TRPC4: variants seen among roughly 807,000 people sequenced by gnomAD.
TRPC4 encodes short transient receptor potential channel 4.
Under a neutral mutation model 99.4 loss-of-function variants are expected in TRPC4, and 49 were observed. The observed-to-expected ratio is 0.49, with a 90% CI of 0.39 to 0.63. The LOEUF is 0.63. Among genes scored for constraint, TRPC4 ranks in the 20% least tolerant of loss-of-function variants. The probability of loss-of-function intolerance (pLI) is 0.00; values close to 1 mark genes in which losing one functional copy is unlikely to be tolerated. For synonymous variants in TRPC4, 454 were observed against 425.9 expected (o/e 1.07, Z -0.81); for missense variants, 898 against 1,152.9 (o/e 0.78, Z 3.20).
intron 3 of TRPC4, among the ~76,000 whole-genome samples, chr13:37,696,428 A>G (rs1428642936): frequency 6.6e-6 from 1 of 152,216 alleles, no homozygotes; most frequent in Non-Finnish European, 1.5e-5. Context: ...AATCAAAAAT[A>G]ACTTTGAATC....
At chr13:37,661,818 G>A (rs987630377) in intron 6 of TRPC4, among the ~76,000 whole-genome samples, 12 of 152,066 alleles carry the variant, frequency 7.9e-5, no homozygotes, top group African/African-American at 2.7e-4. Context: ...CAGAGGGTAG[G>A]GGGTGGGCGG....
chr13:37,665,186 A>T (rs565855419), intron 5 of TRPC4, among the ~76,000 whole-genome samples: 1 of 152,298 alleles, frequency 6.6e-6, no homozygotes, highest in South Asian at 2.1e-4. Flanking sequence ...AAAGACCAAG[A>T]TCACATTGTC....
chr13:37,731,862 T>C (rs1056819097), intron 3 of TRPC4, among the ~76,000 whole-genome samples: 4 of 152,106 alleles, frequency 2.6e-5, no homozygotes, highest in Admixed American at 2.0e-4. Context: ...ATTTCTTTTT[T>C]CTTTCCCCAT....
chr13:37,813,558 T>A (rs1248540108), intron 1 of TRPC4, among the ~76,000 whole-genome samples: 3 of 151,752 alleles, frequency 2.0e-5, no homozygotes, highest in Non-Finnish European at 2.9e-5. Context: ...GGAACACTAC[T>A]ACTGATGTTA....
At position 37,704,566 on chromosome 13, in the gene TRPC4, G is replaced by A. The variant is rs552985021; in HGVS notation, c.898-12231C>T. Among the ~76,000 whole-genome samples, 906 of 152,130 alleles carry A rather than the reference G, an allele frequency of 6.0e-3. 11 individuals are homozygous for A. Among genetic ancestry groups the A allele is most frequent in the African/African-American group, 0.021 (876 of 41,504 alleles). On this transcript the variant is annotated intron_variant, in intron 3 of 10. Transcript: ENST00000379705. ...GCCAGAAATTGCTTGAACCCAGGAG[G>A]CAGAGGTTGCAGTGAGGTGAGATCG...
chr13:37,783,009 C>T lies in TRPC4; in HGVS notation c.325G>A (p.Val109Ile), dbSNP rs749513740. 23 of 1,606,502 alleles carry T rather than the reference C, an allele frequency of 1.4e-5. No individual in the cohort carries two copies. The highest frequency in any genetic ancestry group is 2.2e-5 in the East Asian group (1 of 44,764). ...ALLHAIRKEV[V>I]GAVELLLNHK... ...TTCAATAACAGCTCAACAGCTCCGA[C>T]GACTTCTTTTCTGATAGCATGTAAT... The change falls in exon 2 of 11, where the codon GTC (valine) becomes ATC (isoleucine). Residue 109 changes from valine to isoleucine, a missense_variant. Transcript: ENST00000379705.
Position 37,656,309 on chromosome 13 carries a change from C to T in TRPC4, c.1689-1026G>A, listed in dbSNP as rs551409292. ...TTAAAATGAGACTATATTTAAATTA[C>T]AAAAATAAAATGAAAACCTTCTCAT... On this transcript the variant is annotated intron_variant, in intron 6 of 10. Transcript: ENST00000379705. 1.6e-4 allele frequency among the ~76,000 whole-genome samples: 24 copies of T among 152,158 alleles called. No individual in the cohort carries two copies. The South Asian group carries it at 4.6e-3, about 29-fold the overall frequency.
chr13:37,758,940 A>C (rs1956159668), intron 2 of TRPC4, among the ~76,000 whole-genome samples: 1 of 151,682 alleles, frequency 6.6e-6, no homozygotes, highest in African/African-American at 2.4e-5. Context: ...ATATGCATTT[A>C]GTACCATTTC....
chr13:37,777,108 G>T (rs1374936082), intron 2 of TRPC4, among the ~76,000 whole-genome samples: 1 of 151,912 alleles, frequency 6.6e-6, no homozygotes, highest in Non-Finnish European at 1.5e-5. Flanking sequence ...ATGCACTGAG[G>T]TGGAAAGAAA....
intron 2 of TRPC4, among the ~76,000 whole-genome samples, chr13:37,746,871 T>A (rs978698170): frequency 1.3e-5 from 2 of 152,162 alleles, no homozygotes; most frequent in South Asian, 2.1e-4. Flanking sequence ...AAACCCAAGC[T>A]CTTTCTCTGC....
intron 2 of TRPC4, among the ~76,000 whole-genome samples, chr13:37,761,122 G>T (rs1364077090): frequency 6.6e-6 from 1 of 151,938 alleles, no homozygotes; most frequent in African/African-American, 2.4e-5. Context: ...ATTAATTGAT[G>T]TTGTAAGTGC....
intron 2 of TRPC4, among the ~76,000 whole-genome samples, chr13:37,750,546 A>C (rs1020924123): frequency 6.6e-6 from 1 of 152,168 alleles, no homozygotes; most frequent in Non-Finnish European, 1.5e-5. Context: ...TCCTAAAAGT[A>C]TGGCAAATTA....
At chr13:37,648,101 C>T (rs1030394593) in intron 8 of TRPC4, among the ~76,000 whole-genome samples, 10 of 152,026 alleles carry the variant, frequency 6.6e-5, no homozygotes, top group Admixed American at 3.9e-4. Context: ...TGCCACCACG[C>T]GCAGCTAATT....
intron 3 of TRPC4, among the ~76,000 whole-genome samples, chr13:37,723,545 A>C (rs1216295757): frequency 3.3e-5 from 5 of 151,994 alleles, no homozygotes; most frequent in Non-Finnish European, 7.4e-5. Context: ...TGGAGATGCA[A>C]ATTATTGTTT....
At chr13:37,750,471 G>A (rs73458367) in intron 2 of TRPC4, among the ~76,000 whole-genome samples, 9 of 152,016 alleles carry the variant, frequency 5.9e-5, no homozygotes, top group Non-Finnish European at 1.2e-4. Context: ...TCAAAAATGA[G>A]TGTTGAATTT....
intron 1 of TRPC4, among the ~76,000 whole-genome samples, chr13:37,814,833 C>T (rs931766094): frequency 1.3e-5 from 2 of 151,674 alleles, no homozygotes; most frequent in Non-Finnish European, 3.0e-5. Flanking sequence ...CAAGCTGATT[C>T]TCAAATGTAT....
At chr13:37,763,945 G>A (rs759789571) in intron 2 of TRPC4, among the ~76,000 whole-genome samples, 5 of 151,698 alleles carry the variant, frequency 3.3e-5, no homozygotes, top group Admixed American at 6.6e-5. Flanking sequence ...CTGGGAAGAA[G>A]GAAAGTAGGT....
intron 1 of TRPC4, among the ~76,000 whole-genome samples, chr13:37,861,270 A>T (rs188513462): frequency 1.2e-3 from 187 of 151,410 alleles, no homozygotes; most frequent in Non-Finnish European, 1.6e-3. Context: ...TTACATTTTT[A>T]AAAAAATCAG....
chr13:37,665,275 T>C (rs1434103540), intron 5 of TRPC4, among the ~76,000 whole-genome samples: 2 of 152,200 alleles, frequency 1.3e-5, no homozygotes, highest in Non-Finnish European at 2.9e-5. Flanking sequence ...CTATAATTGA[T>C]AGCTAATTCT....
Sources: allele counts gnomAD v4.1 joint callset (sites outside exome capture counted in the v4.1 genomes callset), GRCh38; gene constraint gnomAD v4.1.1; transcripts MANE v1.5; gene names NCBI Gene and HGNC (gene_info 2026-07-23, HGNC 2026-07-21).